The following SLC25A15 variants were observed in gnomAD, a reference collection of about 807,000 sequenced individuals.
SLC25A15 encodes mitochondrial ornithine transporter 1.
In SLC25A15, 24 loss-of-function variants were observed where a neutral mutation model predicts 32.3. That is an observed-to-expected ratio of 0.74 (90% CI 0.54 to 1.04). The LOEUF (loss-of-function observed/expected upper bound fraction) is 1.04. SLC25A15 is among the 50% of genes least tolerant of loss of function. The probability of loss-of-function intolerance (pLI) is 0.00; values close to 1 mark genes in which losing one functional copy is unlikely to be tolerated. For missense variants in SLC25A15, 317 were observed against 374.5 expected (o/e 0.85, Z 1.27); for synonymous variants, 132 against 142.1 (o/e 0.93, Z 0.51).
intron 1 of SLC25A15, among the ~76,000 whole-genome samples, chr13:40,791,056 C>T (rs1881468424): frequency 6.6e-6 from 1 of 151,866 alleles, no homozygotes; most frequent in Non-Finnish European, 1.5e-5. Flanking sequence ...TTGTACTTGC[C>T]TCTGTCTGTC....
chr13:40,800,945 G>A (rs1280199197), intron 3 of SLC25A15, among the ~76,000 whole-genome samples: 2 of 152,106 alleles, frequency 1.3e-5, no homozygotes, highest in African/African-American at 4.8e-5. Flanking sequence ...CATTAAAGAT[G>A]CGTAAGGCTG....
At chr13:40,796,131 C>T (rs963352153) in intron 2 of SLC25A15, among the ~76,000 whole-genome samples, 5 of 152,152 alleles carry the variant, frequency 3.3e-5, no homozygotes, top group South Asian at 2.1e-4. Flanking sequence ...AGGTCACCCA[C>T]GGAAGCGATC....
chr13:40,810,771 T>G lies in SLC25A15; in HGVS notation c.*1104T>G. On this transcript the variant is annotated 3_prime_UTR_variant, in exon 7 of 7. Coordinates refer to ENST00000338625, the MANE Select transcript of SLC25A15 (RefSeq NM_014252.4). ...GAACTTCCCTTCTTGGGCTTTAGAT[T>G]GAGGAAGGGGCTGAGTGGTAGGCGG... The G allele has an allele frequency of 1.9e-6, 1 of 534,768 alleles. No individual in the cohort carries two copies. The highest frequency in any genetic ancestry group is 1.4e-5 in the South Asian group (1 of 71,584). 33.1% of individuals were successfully genotyped at this position (534,768 alleles called of 1,614,324 possible). A position where few individuals can be genotyped will look rare whatever the true frequency, so the allele number is the denominator to read the frequency against.
rs1380778885 is a variant in SLC25A15 at position 40,811,724 on chromosome 13, G to C, written c.*2057G>C. ...CACCAGCAGGGTATCTCCCAATAAA[G>C]TGTTCCTAAGCAGCCTGTATACTGA... On this transcript the variant is annotated 3_prime_UTR_variant, in exon 7 of 7. Transcript: ENST00000338625. 6.6e-6 allele frequency among the ~76,000 whole-genome samples: 1 copy of C among 152,174 alleles called. No homozygotes were observed. The highest frequency in any genetic ancestry group is 1.5e-5 in the Non-Finnish European group (1 of 68,030).
Position 40,809,579 on chromosome 13 carries a change from T to A in SLC25A15, c.818T>A (p.Met273Lys), listed in dbSNP as rs202247808. ...TALYSGLKPTMIRAFPANGAL... is the reference protein window; with the variant it reads ...TALYSGLKPTKIRAFPANGAL... ...TTATATTCTGGACTGAAACCTACTA[T>A]GATTCGAGCATTCCCTGCCAATGGA... Residue 273 changes from methionine to lysine, a missense_variant, in exon 7 of 7, where the codon ATG becomes AAG. By Grantham distance (95) the Met-to-Lys change is moderately conservative. Transcript: ENST00000338625. 2 of 1,612,130 alleles carry A rather than the reference T, an allele frequency of 1.2e-6. No individual in the cohort carries two copies. The highest frequency in any genetic ancestry group is 1.7e-6 in the Non-Finnish European group (2 of 1,179,858).
At chr13:40,793,975 C>T (rs1593288562) in intron 2 of SLC25A15, among the ~76,000 whole-genome samples, 1 of 152,194 alleles carries the variant, frequency 6.6e-6, no homozygotes, top group South Asian at 2.1e-4. Context: ...AAAATAACAC[C>T]ATAGCATCTC....
intron 2 of SLC25A15, among the ~76,000 whole-genome samples, chr13:40,796,272 A>T (rs960770557): frequency 6.6e-6 from 1 of 151,994 alleles, no homozygotes; most frequent in Non-Finnish European, 1.5e-5. Context: ...CAGCTTATCT[A>T]CTCTAAAGTG....
chr13:40,805,374 T>C, intron 4 of SLC25A15, 119 bp downstream of exon 4: 1 of 1,199,292 alleles, frequency 8.3e-7, no homozygotes. Context: ...CTCCAAAATA[T>C]TGTTTCTAGA....
In SLC25A15 at chr13:40,811,889, G is replaced by A. The variant is rs1882470239; in HGVS notation, c.*2222G>A. ...ATCCTCTGTGGCAACTGTAATCACA[G>A]AGCCAGAAGCCAGAGGGCCAGGGAT... On this transcript the variant is annotated 3_prime_UTR_variant, in exon 7 of 7. Transcript: ENST00000338625. Among the ~76,000 whole-genome samples the A allele has an allele frequency of 6.6e-6, 1 of 152,176 alleles. No homozygotes were observed. The highest frequency in any genetic ancestry group is 2.4e-5 in the African/African-American group (1 of 41,440).
intron 4 of SLC25A15, 109 bp downstream of exon 4, chr13:40,805,364 C>T (rs1882133359): frequency 1.6e-6 from 2 of 1,257,586 alleles, no homozygotes; most frequent in Non-Finnish European, 2.3e-6. Context: ...AATTTATCTA[C>T]TCCAAAATAT....
At chr13:40,792,640 G>C (rs1348730875) in intron 1 of SLC25A15, among the ~76,000 whole-genome samples, 1 of 152,228 alleles carries the variant, frequency 6.6e-6, no homozygotes, top group African/African-American at 2.4e-5. Context: ...ACTCCCAGCT[G>C]TAGAGGCTGA....
chr13:40,796,021 G>A (rs12583207), intron 2 of SLC25A15, among the ~76,000 whole-genome samples: 4,461 of 152,252 alleles, frequency 0.029, 197 homozygotes, highest in East Asian at 0.15. Flanking sequence ...TTAGTTTGGA[G>A]CCTTTGGGCC....
intron 3 of SLC25A15, 55 bp downstream of exon 3, chr13:40,799,370 G>A: frequency 1.2e-6 from 2 of 1,609,758 alleles, no homozygotes; most frequent in Non-Finnish European, 1.7e-6. Flanking sequence ...CACAAAACTG[G>A]CAAGACATGG....
chr13:40,789,898 T>A (rs1881419874), intron 1 of SLC25A15, among the ~76,000 whole-genome samples: 1 of 152,052 alleles, frequency 6.6e-6, no homozygotes, highest in Non-Finnish European at 1.5e-5. Context: ...TGCCCCCAAG[T>A]CCTGTCATTT....
intron 1 of SLC25A15, among the ~76,000 whole-genome samples, chr13:40,790,279 G>A (rs1881434298): frequency 6.6e-6 from 1 of 152,198 alleles, no homozygotes; most frequent in Non-Finnish European, 1.5e-5. Flanking sequence ...CCAAAAAAAA[G>A]TTATTTTCCC....
In SLC25A15 at chr13:40,810,109, C is replaced by T. The variant is rs976273685; in HGVS notation, c.*442C>T. The T allele has an allele frequency of 8.8e-6, 2 of 226,016 alleles. No homozygotes were observed. Among genetic ancestry groups the T allele is most frequent in the African/African-American group, 2.3e-5 (1 of 43,232 alleles). The allele number at this position is 226,016 out of a possible 1,614,324, so 14.0% of individuals were successfully genotyped here. On this transcript the variant is annotated 3_prime_UTR_variant, in exon 7 of 7. Transcript: ENST00000338625. ...AGATGCTTATAAATGGTTGCTTAAC[C>T]CATTCTAGATGTAGGGTCTGCTTAA...
At chr13:40,792,095 T>G (rs1002575890) in intron 1 of SLC25A15, among the ~76,000 whole-genome samples, 2 of 152,210 alleles carry the variant, frequency 1.3e-5, no homozygotes, top group Non-Finnish European at 2.9e-5. Context: ...GATATTTTAG[T>G]CAACATTTAT....
In SLC25A15 at chr13:40,809,632, A is replaced by G. The variant is rs745535622; in HGVS notation, c.871A>G (p.Arg291Gly). ...ACTCTTTTTGGCCTACGAATATAGCAGGAAGTTGATGATGAACCAGTTGGA... is the reference window on the plus strand; with the variant it reads ...ACTCTTTTTGGCCTACGAATATAGCGGGAAGTTGATGATGAACCAGTTGGA... ...GALFLAYEYS[R>G]KLMMNQLEAY Residue 291 changes from arginine (R) to glycine (G), a missense_variant, in exon 7 of 7, where the codon AGG (arginine) becomes GGG (glycine). By Grantham distance (125) the Arg-to-Gly change is moderately radical. Transcript: ENST00000338625. The G allele has an allele frequency of 1.2e-6, 2 of 1,612,974 alleles. No individual in the cohort carries two copies. Among genetic ancestry groups the G allele is most frequent in the Non-Finnish European group, 1.7e-6 (2 of 1,179,858 alleles).
intron 4 of SLC25A15, among the ~76,000 whole-genome samples, chr13:40,805,964 A>G (rs558593265): frequency 6.6e-6 from 1 of 152,308 alleles, no homozygotes; most frequent in East Asian, 1.9e-4. Flanking sequence ...AGTTCTGACC[A>G]AGGATATTGC....
Sources: allele counts gnomAD v4.1 joint callset (sites outside exome capture counted in the v4.1 genomes callset), GRCh38; gene constraint gnomAD v4.1.1; transcripts MANE v1.5; gene names NCBI Gene and HGNC (gene_info 2026-07-23, HGNC 2026-07-21).